HIVEP3: variants seen among roughly 807,000 people sequenced by gnomAD.
The protein encoded by HIVEP3 is transcription factor HIVEP3.
A neutral mutation model predicts 152.8 loss-of-function variants in HIVEP3; 49 were observed. That is an observed-to-expected ratio of 0.32 (90% confidence interval 0.26 to 0.41). The LOEUF is 0.41. Ranked by LOEUF, HIVEP3 falls within the 10% of genes least tolerant of loss-of-function variation. The pLI is 1.00. For synonymous variants in HIVEP3, 1,269 were observed against 1,289.0 expected, an observed-to-expected ratio of 0.98 and a Z score of 0.33; for missense variants, 2,790 against 3,103.3, an observed-to-expected ratio of 0.90 and a Z score of 2.40.
At chr1:41,793,019 G>A (rs1570551147) in intron 1 of HIVEP3, among the ~76,000 whole-genome samples, 1 of 152,200 alleles carries the variant, frequency 6.6e-6, no homozygotes, top group Non-Finnish European at 1.5e-5. Flanking sequence ...ATGGAAGAAC[G>A]ATTGGGCCAC....
chr1:41,995,794 G>A (rs1302537494), intron 1 of HIVEP3, among the ~76,000 whole-genome samples: 14 of 152,116 alleles, frequency 9.2e-5, no homozygotes, highest in Non-Finnish European at 2.9e-5. Context: ...AGTGAGATAT[G>A]CCTATTGTCT....
At position 41,684,215 on chromosome 1, in the gene HIVEP3, C is replaced by T. The variant is rs964860351; in HGVS notation, c.-721+16701G>A. On this transcript the variant is annotated intron_variant, in intron 2 of 8. Transcript: ENST00000372583. ...CACCACTCTGACTTCCTGGAGGTGA[C>T]TCAGCGAGACAAGCAGCAGAGGAAG... Among the ~76,000 whole-genome samples, 9 of 152,132 alleles carry T rather than the reference C, an allele frequency of 5.9e-5. No homozygotes were observed. The East Asian group carries it at 1.3e-3, about 23-fold the overall frequency.
chr1:41,628,991 T>C (rs1272254910), intron 2 of HIVEP3, 44 bp from the exon 3 acceptor site: 2 of 1,217,034 alleles, frequency 1.6e-6, no homozygotes, highest in African/African-American at 1.6e-5. Context: ...ACTTTCTTGG[T>C]CAACTTTTTT....
At chr1:41,702,249 C>G (rs1325602061) in intron 1 of HIVEP3, among the ~76,000 whole-genome samples, 6 of 152,278 alleles carry the variant, frequency 3.9e-5, no homozygotes, top group Non-Finnish European at 7.4e-5. Context: ...AGCAGCAGCA[C>G]CACCACCATC....
At chr1:41,587,715 G>A (rs1472478669) in intron 3 of HIVEP3, among the ~76,000 whole-genome samples, 1 of 152,174 alleles carries the variant, frequency 6.6e-6, no homozygotes, top group East Asian at 1.9e-4. Flanking sequence ...AGAGACTGAA[G>A]GCTAGAAAGG....
chr1:41,922,418 T>C (rs1350217887), upstream of HIVEP3, among the ~76,000 whole-genome samples: 3 of 152,144 alleles, frequency 2.0e-5, no homozygotes, highest in Non-Finnish European at 4.4e-5. Flanking sequence ...AAGAAAGGTA[T>C]GTTCAAAGAC....
chr1:42,033,226 C>T (rs1056625400), intron 1 of HIVEP3, among the ~76,000 whole-genome samples: 3 of 152,204 alleles, frequency 2.0e-5, no homozygotes, highest in Admixed American at 6.5e-5. Flanking sequence ...AAAAGTGATG[C>T]CTCCTGCAAA....
intron 1 of HIVEP3, among the ~76,000 whole-genome samples, chr1:41,712,593 C>T (rs1013734150): frequency 1.3e-5 from 2 of 152,180 alleles, no homozygotes; most frequent in African/African-American, 2.4e-5. Flanking sequence ...ACATGAGATG[C>T]GCAGGACAAT....
intron 5 of HIVEP3, among the ~76,000 whole-genome samples, chr1:41,527,134 C>T (rs1209402332): frequency 7.3e-6 from 1 of 137,198 alleles, no homozygotes; most frequent in East Asian, 2.4e-4. Flanking sequence ...TCACACACAC[C>T]CTCACACACC....
At position 41,583,628 on chromosome 1, in the gene HIVEP3, C is replaced by T. The variant is rs1349794353; in HGVS notation, c.1170G>A (p.Glu390=). 2 of 1,614,212 alleles carry T rather than the reference C, an allele frequency of 1.2e-6. No homozygotes were observed. The highest frequency in any genetic ancestry group is 1.1e-5 in the South Asian group (1 of 91,076). Residue 390 remains glutamate, a synonymous_variant, in exon 4 of 9, where the codon GAG becomes GAA. Transcript: ENST00000372583. The surrounding 1 kb of genome is among the most constrained non-coding windows in gnomAD (Gnocchi z 6.9). ...TCTCGGAGCGAGAGAAATACCCAGA[C>T]TCAGTACTCCCTTTGCTGCCTGGGC... ...FLSPGSKGST[E]SGYFSRSESA... is the part of the protein sequence containing the mutation.
chr1:42,004,091 G>A (rs1645444684), intron 1 of HIVEP3, among the ~76,000 whole-genome samples: 1 of 152,192 alleles, frequency 6.6e-6, no homozygotes, highest in Non-Finnish European at 1.5e-5. Flanking sequence ...CTCCCAGCAA[G>A]TCCGCCTTTG....
chr1:41,974,650 T>A (rs1645249847), intron 1 of HIVEP3, among the ~76,000 whole-genome samples: 1 of 152,092 alleles, frequency 6.6e-6, no homozygotes, highest in Non-Finnish European at 1.5e-5. Context: ...CCTCTTCACA[T>A]GACCAGATCT....
intron 1 of HIVEP3, among the ~76,000 whole-genome samples, chr1:41,796,312 C>A (rs1193807790): frequency 6.6e-6 from 1 of 152,208 alleles, no homozygotes; most frequent in Admixed American, 6.5e-5. Flanking sequence ...GGCCATCTGC[C>A]GGGACCACAC....
chr1:41,511,327 G>A lies in HIVEP3; in HGVS notation c.6406-61C>T, dbSNP rs1558013976. The A allele has an allele frequency of 4.3e-6, 6 of 1,411,358 alleles. No individual in the cohort carries two copies. Among genetic ancestry groups the A allele is most frequent in the South Asian group, 1.4e-5 (1 of 71,836 alleles). The allele number at this position is 1,411,358 out of a possible 1,614,324, so 87.4% of individuals were successfully genotyped here. ...TTACATGCTGGGCACATGGGGAGCC[G>A]AGGCCTGGAAGTGGGAGGGGGACTC... On this transcript the variant is annotated intron_variant, in intron 8 of 8. Coordinates refer to ENST00000372583, the MANE Select transcript of HIVEP3 (RefSeq NM_024503.5). The surrounding 1 kb of genome is among the most constrained non-coding windows in gnomAD (Gnocchi z 4.9).
At chr1:41,769,284 C>CGG (rs929718224) in intron 1 of HIVEP3, among the ~76,000 whole-genome samples, 1 of 152,188 alleles carries the variant, frequency 6.6e-6, no homozygotes, top group Non-Finnish European at 1.5e-5. Context: ...GCCAACCCTA[C>CGG]GGGGGGTTAG....
intron 1 of HIVEP3, among the ~76,000 whole-genome samples, chr1:41,814,204 T>C (rs1326128191): frequency 6.6e-6 from 1 of 152,184 alleles, no homozygotes; most frequent in Non-Finnish European, 1.5e-5. Flanking sequence ...GTGAGGCTTG[T>C]GGAAAGCTGG....
intron 2 of HIVEP3, among the ~76,000 whole-genome samples, chr1:41,660,476 C>T (rs190515449): frequency 2.5e-3 from 380 of 152,280 alleles, no homozygotes; most frequent in Non-Finnish European, 3.6e-3. Context: ...AGTCATGTTG[C>T]GGTCCGTGCT....
chr1:41,605,295 C>A (rs1383968003), intron 3 of HIVEP3, among the ~76,000 whole-genome samples: 2 of 151,358 alleles, frequency 1.3e-5, no homozygotes, highest in African/African-American at 4.9e-5. Flanking sequence ...TCCGAAGGGG[C>A]ATGAAGCAGT....
At chr1:41,986,583 G>GGCGCCCGCCACC (rs1645324738) in intron 1 of HIVEP3, among the ~76,000 whole-genome samples, 1 of 151,960 alleles carries the variant, frequency 6.6e-6, no homozygotes, top group African/African-American at 2.4e-5. Flanking sequence ...TGGAAATACA[G>GGCGCCCGCCACC]GCGCCCGCCA....
Sources: gnomAD v4.1 joint callset for allele counts (sites outside exome capture counted in the v4.1 genomes callset) on GRCh38, gnomAD v4.1.1 for gene constraint, Gnocchi (gnomAD v3.1) non-coding constraint, MANE v1.5 for transcripts, NCBI Gene and HGNC (gene_info 2026-07-23, HGNC 2026-07-21) for gene names.